NEXMIF: variants seen among roughly 807,000 people sequenced by gnomAD.
NEXMIF encodes the protein neurite extension and migration factor, also known as XLMR protein related to neurite extension.
In NEXMIF, 8 loss-of-function variants were observed where a neutral mutation model predicts 62.1. The ratio of observed to expected loss-of-function variants is 0.13; its 90% CI spans 0.08 to 0.23. NEXMIF has a LOEUF of 0.23. NEXMIF is among the 10% of genes least tolerant of loss of function. NEXMIF has a pLI of 1.00. For missense variants in NEXMIF, 976 were observed against 1,113.3 expected (o/e 0.88, Z 1.75); for synonymous variants, 404 against 416.6 (o/e 0.97, Z 0.37).
chrX:74,799,604 C>A (rs2080322962), intron 1 of NEXMIF, among the ~76,000 whole-genome samples: 1 of 111,519 alleles, frequency 9.0e-6, no homozygotes, highest in Admixed American at 9.5e-5. Context: ...AAATAATGAA[C>A]AATAATGAAC....
At chrX:74,803,164 C>T (rs376484258) in intron 1 of NEXMIF, among the ~76,000 whole-genome samples, 6 of 111,820 alleles carry the variant, frequency 5.4e-5, no homozygotes, top group South Asian at 7.3e-4. Context: ...GGGAAAATAA[C>T]GAGAACTCCC....
intron 1 of NEXMIF, among the ~76,000 whole-genome samples, chrX:74,886,233 T>G (rs1445701275): frequency 2.7e-5 from 3 of 111,805 alleles, no homozygotes; most frequent in Non-Finnish European, 5.6e-5. Flanking sequence ...CTTTGAAAAC[T>G]GGCACAAGAC....
In NEXMIF at chrX:74,742,053, T is replaced by C; in HGVS notation, c.2504A>G (p.His835Arg). The stretch of plus-strand genomic sequence containing the variant: ...GCCTTCATTTTGCTCTGGAGAATGG[T>C]GGCTGAAGTATGAGATACTAGTGTT... ...SNNTSISYFS[H>R]HSPEQNEGSL... The change falls in exon 3 of 4, where the codon CAC (histidine) becomes CGC (arginine). Residue 835 changes from histidine to arginine, a missense_variant. Coordinates refer to ENST00000055682, the MANE Select transcript of NEXMIF (RefSeq NM_001008537.3). The C allele has an allele frequency of 8.3e-7, 1 of 1,211,793 alleles. No individual in the cohort carries two copies. The highest frequency in any genetic ancestry group is 1.8e-5 in the South Asian group (1 of 57,008).
intron 1 of NEXMIF, among the ~76,000 whole-genome samples, chrX:74,826,760 C>G (rs1017439505): frequency 1.8e-5 from 2 of 110,710 alleles, no homozygotes; most frequent in Non-Finnish European, 3.8e-5. Context: ...ACATTTAAGT[C>G]TTTATTCCAT....
At chrX:74,904,123 C>T (rs928965752) in intron 1 of NEXMIF, among the ~76,000 whole-genome samples, 1 of 111,013 alleles carries the variant, frequency 9.0e-6, no homozygotes, top group South Asian at 3.8e-4. Context: ...CCAGAATTGG[C>T]TCCCTTTGGG....
chrX:74,899,503 G>A (rs1428709044), intron 1 of NEXMIF, among the ~76,000 whole-genome samples: 1 of 111,800 alleles, frequency 8.9e-6, no homozygotes, highest in African/African-American at 3.2e-5. Context: ...AATAAAATAA[G>A]TTAAGAATAA....
chrX:74,817,156 A>G (rs374618428), intron 1 of NEXMIF, among the ~76,000 whole-genome samples: 1 of 112,124 alleles, frequency 8.9e-6, no homozygotes, highest in East Asian at 2.8e-4. Flanking sequence ...TGTGAAATGA[A>G]TAATTAGTAT....
Position 74,740,376 on chromosome X carries a change from G to C in NEXMIF, c.4181C>G (p.Ser1394Ter), listed in dbSNP as rs2080098261. 8.3e-7 allele frequency: 1 copy of C among 1,209,802 alleles called. No homozygotes were observed. The highest frequency in any genetic ancestry group is 1.8e-5 in the African/African-American group (1 of 57,028). The stretch of plus-strand genomic sequence containing the variant: ...ATTGCTTTTGCTCACACCCTTGATT[G>C]ACCTGTGATTCTTAGTGGCTCCTTG... ...GSQGATKNHRSIKGVSKSNGK... is the reference protein window; with the variant it reads ...GSQGATKNHR Residue 1394 changes from serine to a stop codon, truncating the protein, a stop_gained, in exon 3 of 4, where the codon TCA (serine) becomes TGA (stop). Transcript: ENST00000055682. LOFTEE classifies it high-confidence loss of function.
chrX:74,757,471 C>T, intron 1 of NEXMIF, among the ~76,000 whole-genome samples: 1 of 112,089 alleles, frequency 8.9e-6, no homozygotes, highest in Non-Finnish European at 1.9e-5. Context: ...CACAGTCTTT[C>T]TTAGGTAACC....
rs185207905 is a variant in NEXMIF, at chrX:74,880,005, T to C, written c.-48+44878A>G. On this transcript the variant is annotated intron_variant, in intron 1 of 3. Coordinates refer to ENST00000055682, the MANE Select transcript of NEXMIF (RefSeq NM_001008537.3). ...TAACATACCAATGACATATCCCCAA[T>C]ATTATGTATACATGTATAAACTCGT... Among the ~76,000 whole-genome samples, 382 of 112,190 alleles carry C rather than the reference T, an allele frequency of 3.4e-3. 2 individuals are homozygous for C. The highest frequency in any genetic ancestry group is 0.012 in the African/African-American group (364 of 30,903).
At position 74,925,419 on chromosome X, in the gene NEXMIF, GGCT is replaced by G. The variant is rs1357769216; in HGVS notation, c.-587_-585del. 2.3e-3 allele frequency: 431 copies of G among 188,228 alleles called. No homozygotes were observed. The highest frequency in any genetic ancestry group is 3.5e-3 in the Middle Eastern group (2 of 565). 15.5% of individuals were successfully genotyped at this position (188,228 alleles called of 1,213,427 possible). ...CTGTGGCGGCGGTGGTGGCGGCGGC[GGCT>G]GCTGCTGCTGCTGCTGATGCTACTG... On this transcript the variant is annotated 5_prime_UTR_variant, in exon 1 of 4. Coordinates refer to ENST00000055682, the MANE Select transcript of NEXMIF (RefSeq NM_001008537.3).
intron 1 of NEXMIF, among the ~76,000 whole-genome samples, chrX:74,827,646 T>C (rs1489092025): frequency 1.8e-5 from 2 of 112,148 alleles, no homozygotes; most frequent in African/African-American, 6.5e-5. Flanking sequence ...ACAACAAGCC[T>C]GATGGGTGGG....
intron 1 of NEXMIF, among the ~76,000 whole-genome samples, chrX:74,919,218 C>A (rs750241066): frequency 1.8e-5 from 2 of 111,765 alleles, no homozygotes; most frequent in South Asian, 7.6e-4. Flanking sequence ...TGTGTATGTG[C>A]AAATACAAAC....
chrX:74,788,903 C>A (rs1372071104), intron 1 of NEXMIF, among the ~76,000 whole-genome samples: 2 of 111,434 alleles, frequency 1.8e-5, no homozygotes, highest in Non-Finnish European at 3.8e-5. Flanking sequence ...TGGTCATTTG[C>A]AGAAACTTCA....
At chrX:74,873,980 G>A (rs1256908108) in intron 1 of NEXMIF, among the ~76,000 whole-genome samples, 1 of 111,439 alleles carries the variant, frequency 9.0e-6, no homozygotes, top group Non-Finnish European at 1.9e-5. Context: ...TTGCTGTGCA[G>A]AAGCTCTTTG....
chrX:74,833,929 T>C (rs1029550844), intron 1 of NEXMIF, among the ~76,000 whole-genome samples: 7 of 110,230 alleles, frequency 6.4e-5, no homozygotes, highest in African/African-American at 2.3e-4. Flanking sequence ...GCAGATCACC[T>C]GAGGTCGGGA....
At chrX:74,746,913 T>C (rs940173231) in intron 1 of NEXMIF, among the ~76,000 whole-genome samples, 1 of 112,341 alleles carries the variant, frequency 8.9e-6, no homozygotes, top group Non-Finnish European at 1.9e-5. Context: ...AAAGAGAAAA[T>C]ATATGCTTAC....
At chrX:74,813,380 G>T (rs956849156) in intron 1 of NEXMIF, among the ~76,000 whole-genome samples, 1 of 111,793 alleles carries the variant, frequency 8.9e-6, no homozygotes, top group Admixed American at 9.5e-5. Context: ...ATAAAAAAGG[G>T]TAAATAATTG....
intron 1 of NEXMIF, among the ~76,000 whole-genome samples, chrX:74,886,474 C>G (rs1005922532): frequency 9.0e-5 from 10 of 111,675 alleles, no homozygotes; most frequent in Non-Finnish European, 1.9e-4. Context: ...AATCAATGTA[C>G]AAAAATCACA....
Sources: gnomAD v4.1 joint callset for allele counts (sites outside exome capture counted in the v4.1 genomes callset) on GRCh38, gnomAD v4.1.1 for gene constraint, MANE v1.5 for transcripts, NCBI Gene and HGNC (gene_info 2026-07-23, HGNC 2026-07-21) for gene names.